Variants in OPRK1 observed in about 807,000 individuals in gnomAD.
OPRK1 encodes kappa-type opioid receptor.
A neutral mutation model predicts 24.5 loss-of-function variants in OPRK1; 15 were observed. The ratio of observed to expected loss-of-function variants is 0.61; its 90% CI spans 0.41 to 0.94. The LOEUF (loss-of-function observed/expected upper bound fraction) is 0.94. OPRK1 is among the 40% of genes least tolerant of loss of function. OPRK1 has a pLI of 0.00. For synonymous variants in OPRK1, 205 were observed against 198.0 expected (o/e 1.04, Z -0.30); for missense variants, 479 against 507.3 (o/e 0.94, Z 0.54).
intron 2 of OPRK1, among the ~76,000 whole-genome samples, chr8:53,238,286 T>A (rs996571875): frequency 6.6e-6 from 1 of 152,212 alleles, no homozygotes; most frequent in Non-Finnish European, 1.5e-5. Flanking sequence ...TTCACAAGCA[T>A]TTTAAGCAAA....
At chr8:53,231,984 G>T (rs1004597790) in intron 3 of OPRK1, among the ~76,000 whole-genome samples, 1 of 152,134 alleles carries the variant, frequency 6.6e-6, no homozygotes, top group Non-Finnish European at 1.5e-5. Flanking sequence ...TACTTTACAA[G>T]ACTTTGGGAA....
intron 2 of OPRK1, among the ~76,000 whole-genome samples, chr8:53,239,282 T>A (rs367781615): frequency 6.6e-6 from 1 of 152,226 alleles, no homozygotes; most frequent in Admixed American, 6.5e-5. Context: ...GCTCTGAGGA[T>A]CTTTTAAACT....
At chr8:53,242,892 G>A (rs113472418) in intron 2 of OPRK1, 121,766 of 1,284,270 alleles carry the variant, frequency 0.095, 6,442 homozygotes, top group South Asian at 0.17. Flanking sequence ...TGGTTTTGTC[G>A]TCTTCCATTG....
intron 3 of OPRK1, among the ~76,000 whole-genome samples, chr8:53,233,531 C>T (rs887992801): frequency 6.6e-6 from 1 of 152,202 alleles, no homozygotes; most frequent in African/African-American, 2.4e-5. Flanking sequence ...GTTATCTGCT[C>T]TCACAGGTAT....
rs1355307593 is a variant in OPRK1, at chr8:53,226,946, A to T, written c.*2351T>A. The T allele has an allele frequency of 6.6e-6, 1 of 152,218 alleles. No individual in the cohort carries two copies. Among genetic ancestry groups the T allele is most frequent in the Non-Finnish European group, 1.5e-5 (1 of 68,060 alleles). The allele number at this position is 152,218 out of a possible 1,614,324, so 9.4% of individuals were successfully genotyped here. A position where few individuals can be genotyped will look rare whatever the true frequency, so the allele number is the denominator to read the frequency against. ...CAATAATGGCAATTAACGCTGTAAG[A>T]GCACGTGAAGTGCTAACTTAAAGGA... On this transcript the variant is annotated 3_prime_UTR_variant, in exon 4 of 4. Coordinates refer to ENST00000265572, the MANE Select transcript of OPRK1 (RefSeq NM_000912.5).
chr8:53,233,770 C>A (rs1297824745), intron 3 of OPRK1, among the ~76,000 whole-genome samples: 2 of 152,160 alleles, frequency 1.3e-5, no homozygotes, highest in Non-Finnish European at 2.9e-5. Context: ...AATCTTGACA[C>A]CCAGGCTGTA....
intron 2 of OPRK1, among the ~76,000 whole-genome samples, chr8:53,248,302 A>G (rs905887958): frequency 1.3e-5 from 2 of 152,148 alleles, no homozygotes; most frequent in African/African-American, 4.8e-5. Context: ...CTTTCTCCCC[A>G]GGTCTGAGCT....
Position 53,229,114 on chromosome 8 carries a change from TC to T in OPRK1, c.*182del. ...GTGCATGTGTTGCGTGGACCTTTTG[TC>T]CTTGATGTTTCCACTGATCACGAAC... On this transcript the variant is annotated 3_prime_UTR_variant, in exon 4 of 4. Coordinates refer to ENST00000265572, the MANE Select transcript of OPRK1 (RefSeq NM_000912.5). 1 of 655,604 alleles carries T rather than the reference TC, an allele frequency of 1.5e-6. No homozygotes were observed. Among genetic ancestry groups the T allele is most frequent in the Non-Finnish European group, 2.5e-6 (1 of 398,088 alleles). The allele number at this position is 655,604 out of a possible 1,614,324, so 40.6% of individuals were successfully genotyped here.
chr8:53,247,342 G>A (rs1807255669), intron 2 of OPRK1, among the ~76,000 whole-genome samples: 1 of 152,172 alleles, frequency 6.6e-6, no homozygotes, highest in Admixed American at 6.5e-5. Flanking sequence ...GAGTTACCCA[G>A]GTGTAACCTT....
At chr8:53,231,108 G>GTTAC (rs1434924980) in intron 3 of OPRK1, among the ~76,000 whole-genome samples, 3 of 152,104 alleles carry the variant, frequency 2.0e-5, no homozygotes, top group African/African-American at 7.2e-5. Flanking sequence ...AAACCTTGGA[G>GTTAC]TAGTAAATGA....
chr8:53,237,602 A>C (rs1419397773), intron 2 of OPRK1, among the ~76,000 whole-genome samples: 1 of 152,184 alleles, frequency 6.6e-6, no homozygotes, highest in Non-Finnish European at 1.5e-5. Flanking sequence ...CTATAGATGA[A>C]GTGACTAAGA....
intron 2 of OPRK1, among the ~76,000 whole-genome samples, chr8:53,239,108 G>A (rs1313665904): frequency 6.6e-6 from 1 of 152,022 alleles, no homozygotes; most frequent in Non-Finnish European, 1.5e-5. Flanking sequence ...GTTATTCTGG[G>A]TCTTCTCTTG....
intron 1 of OPRK1, 54 bp downstream of exon 1, chr8:53,251,394 A>C: frequency 3.1e-6 from 1 of 319,916 alleles, no homozygotes; most frequent in South Asian, 5.4e-5. Flanking sequence ...CCCCCTTCCC[A>C]CCTCCCAGCA....
chr8:53,235,938 G>C (rs1025753247), intron 2 of OPRK1, among the ~76,000 whole-genome samples: 3 of 152,204 alleles, frequency 2.0e-5, no homozygotes, highest in Admixed American at 6.5e-5. Context: ...ACTGAGTTAA[G>C]AGGGTTGTTT....
intron 2 of OPRK1, among the ~76,000 whole-genome samples, chr8:53,241,097 T>C (rs1449206121): frequency 6.6e-6 from 1 of 152,142 alleles, no homozygotes. Context: ...TCTGGGGGAA[T>C]GTGAGAATGG....
At position 53,235,040 on chromosome 8, in the gene OPRK1, G is replaced by A; in HGVS notation, c.329C>T (p.Thr110Ile). ...GACCGTACTCTGAAAGGGCATGGTTGTAGTAACTAAAGCATCTGCCAAAGC... is the reference window on the plus strand; with the variant it reads ...GACCGTACTCTGAAAGGGCATGGTTATAGTAACTAAAGCATCTGCCAAAGC... ...NLALADALVT[T>I]TMPFQSTVYL... The change falls in exon 3 of 4, where the codon ACA becomes ATA. Residue 110 changes from threonine (T) to isoleucine (I), a missense_variant. Transcript: ENST00000265572. The A allele has an allele frequency of 1.9e-6, 3 of 1,614,238 alleles. No homozygotes were observed. Among genetic ancestry groups the A allele is most frequent in the Non-Finnish European group, 1.7e-6 (2 of 1,180,040 alleles).
In OPRK1 at chr8:53,226,283, T is replaced by C. The variant is rs200667362; in HGVS notation, c.*3014A>G. The C allele has an allele frequency of 1.3e-5, 2 of 152,212 alleles. No individual in the cohort carries two copies. The highest frequency in any genetic ancestry group is 4.8e-5 in the African/African-American group (2 of 41,450). The allele number at this position is 152,212 out of a possible 1,614,324, so 9.4% of individuals were successfully genotyped here. On this transcript the variant is annotated 3_prime_UTR_variant, in exon 4 of 4. Transcript: ENST00000265572. ...CTTAAACTCGAAGGATGCTCTTAGA[T>C]TGGTAACTACTCTGAGATACTAAGA...
At chr8:53,231,852 G>T (rs1160494451) in intron 3 of OPRK1, among the ~76,000 whole-genome samples, 1 of 152,168 alleles carries the variant, frequency 6.6e-6, no homozygotes, top group Non-Finnish European at 1.5e-5. Context: ...AGCCGCACAG[G>T]GCTGCTGTTT....
intron 3 of OPRK1, among the ~76,000 whole-genome samples, chr8:53,231,216 T>C (rs1806846688): frequency 6.6e-6 from 1 of 151,942 alleles, no homozygotes; most frequent in South Asian, 2.1e-4. Context: ...TTAGTGTTTA[T>C]GGTAAATGAT....
Sources: allele counts gnomAD v4.1 joint callset (sites outside exome capture counted in the v4.1 genomes callset), GRCh38; gene constraint gnomAD v4.1.1; transcripts MANE v1.5; gene names NCBI Gene and HGNC (gene_info 2026-07-23, HGNC 2026-07-21).